RAPGEFL1: variants seen among roughly 807,000 people sequenced by gnomAD.
RAPGEFL1 encodes the protein Rap guanine nucleotide exchange factor like 1.
Under a neutral mutation model 64.4 loss-of-function variants are expected in RAPGEFL1, and 31 were observed. That is an observed-to-expected ratio of 0.48 (90% CI 0.36 to 0.65). The LOEUF is 0.65. Ranked by LOEUF, RAPGEFL1 falls within the 30% of genes least tolerant of loss-of-function variation. The pLI, the probability that RAPGEFL1 is intolerant of heterozygous loss-of-function variation, is 0.00. For missense variants in RAPGEFL1, 682 were observed against 677.4 expected, an observed-to-expected ratio of 1.01 and a Z score of -0.08; for synonymous variants, 331 against 274.1, an observed-to-expected ratio of 1.21 and a Z score of -2.05.
chr17:40,189,052 C>T (rs1444837851), intron 5 of RAPGEFL1, 74 bp downstream of exon 5: 4 of 1,487,886 alleles, frequency 2.7e-6, no homozygotes, highest in Non-Finnish European at 3.7e-6. Flanking sequence ...CTTGAGCACC[C>T]TCAGTGGCAT....
chr17:40,180,422 CT>C (rs1344405712), intron 1 of RAPGEFL1, among the ~76,000 whole-genome samples: 1 of 152,118 alleles, frequency 6.6e-6, no homozygotes, highest in African/African-American at 2.4e-5. Flanking sequence ...TCAGCTTAAC[CT>C]GCCACTCTGA....
rs922899253 is a variant in RAPGEFL1, at chr17:40,190,452, C to G, written c.1133C>G (p.Pro378Arg). The G allele has an allele frequency of 9.9e-6, 16 of 1,614,006 alleles. No homozygotes were observed. Among genetic ancestry groups the G allele is most frequent in the Non-Finnish European group, 1.3e-5 (15 of 1,180,038 alleles). Residue 378 changes from proline (P) to arginine (R), a missense_variant, in exon 7 of 15, where the codon CCC (proline) becomes CGC (arginine). This residue lies in a region of RAPGEFL1 where 411 missense variants were observed against 519.4 expected (regional missense o/e 0.79). Coordinates refer to ENST00000620260, the MANE Select transcript of RAPGEFL1 (RefSeq NM_016339.6). ...SSSGEKVLLQ[P>R]TEDCVFTALG... ...CCTGCAGAGAAGGTCCTTCTCCAGC[C>G]CACTGAGGACTGTGTTTTCACCGCA...
chr17:40,184,063 C>T (rs1253246185), intron 2 of RAPGEFL1, 151 bp from the exon 3 acceptor site: 14 of 709,510 alleles, frequency 2.0e-5, no homozygotes, highest in Admixed American at 6.8e-5. Flanking sequence ...AGACTGGTCT[C>T]GAACTCCTGA....
chr17:40,177,550 G>A lies in RAPGEFL1; in HGVS notation c.-312G>A. Reference sequence around the variant, plus strand: ...CTCTCAGCCTTGCGCTCCGCCCGCTGCCTCTGCCGCCGCAGCGCAGAGCCG... The same window carrying A: ...CTCTCAGCCTTGCGCTCCGCCCGCTACCTCTGCCGCCGCAGCGCAGAGCCG... On this transcript the variant is annotated 5_prime_UTR_variant, in exon 1 of 15. Transcript: ENST00000620260. 1.9e-6 allele frequency: 1 copy of A among 517,064 alleles called. No individual in the cohort carries two copies. The highest frequency in any genetic ancestry group is 2.1e-5 in the African/African-American group (1 of 48,692). 32.0% of individuals were successfully genotyped at this position (517,064 alleles called of 1,614,324 possible). A position where few individuals can be genotyped will look rare whatever the true frequency, so the allele number is the denominator to read the frequency against.
upstream of RAPGEFL1, chr17:40,177,436 G>T (rs1989741501): frequency 1.5e-6 from 1 of 659,420 alleles, no homozygotes; most frequent in Non-Finnish European, 2.8e-6. Context: ...ACTGGGCGGG[G>T]ACTGGAGGAG....
At chr17:40,188,314 T>C (rs1005800955) in intron 4 of RAPGEFL1, among the ~76,000 whole-genome samples, 3 of 152,168 alleles carry the variant, frequency 2.0e-5, no homozygotes, top group Admixed American at 2.0e-4. Context: ...AGCTTTCTTC[T>C]TCCCCCACAC....
rs1990268640 is a variant in RAPGEFL1, at chr17:40,191,533, G to GGAGGCCC, written c.1514+41_1515-41dup. The GGAGGCCC allele has an allele frequency of 2.6e-6, 4 of 1,562,512 alleles. No homozygotes were observed. Among genetic ancestry groups the GGAGGCCC allele is most frequent in the Non-Finnish European group, 3.5e-6 (4 of 1,156,782 alleles). On this transcript the variant is annotated intron_variant, in intron 9 of 14. Coordinates refer to ENST00000620260, the MANE Select transcript of RAPGEFL1 (RefSeq NM_016339.6). This position sits in a 1 kb window ranked among gnomAD's most constrained non-coding sequence, Gnocchi z 5.1. ...TCGGCGGGATGGGGGGCCGGAGGCC[G>GGAGGCCC]GAGGCCCGCGCCGCCGCCCGCCCCT... is the stretch of plus-strand genomic sequence containing the variant.
chr17:40,178,036 G>A lies in RAPGEFL1; in HGVS notation c.175G>A (p.Val59Met), dbSNP rs1232426774. The A allele has an allele frequency of 3.5e-6, 2 of 579,202 alleles. No homozygotes were observed. Among genetic ancestry groups the A allele is most frequent in the South Asian group, 4.0e-5 (2 of 49,592 alleles). 35.9% of individuals were successfully genotyped at this position (579,202 alleles called of 1,614,324 possible). The change falls in exon 1 of 15, where the codon GTG (valine) becomes ATG (methionine). Residue 59 changes from valine (V) to methionine (M), a missense_variant. Physicochemically the swap from Val to Met is conservative, Grantham distance 21 (BLOSUM62 1). This residue lies in a region of RAPGEFL1 where 271 missense variants were observed against 158.0 expected (regional missense o/e 1.72). Coordinates refer to ENST00000620260, the MANE Select transcript of RAPGEFL1 (RefSeq NM_016339.6). ...GQRSLQRRQS[V>M]SRLLLPAFLR... Reference sequence around the variant, plus strand: ...GCGGTCGTTGCAGCGGCGTCAGAGCGTGTCTCGCCTGCTGCTCCCCGCTTT... The same window carrying A: ...GCGGTCGTTGCAGCGGCGTCAGAGCATGTCTCGCCTGCTGCTCCCCGCTTT...
rs576836064 is a variant in RAPGEFL1, at chr17:40,194,730, G to A, written c.*942G>A. 7.2e-5 allele frequency: 11 copies of A among 152,600 alleles called. No individual in the cohort carries two copies. The highest frequency in any genetic ancestry group is 2.2e-4 in the African/African-American group (9 of 41,546). The allele number at this position is 152,600 out of a possible 1,614,324, so 9.5% of individuals were successfully genotyped here. ...CTTTTTGGGATATCTAACTGCTAAG[G>A]AGGGAGTTGACATCCCCCTTCTGGC... is the stretch of plus-strand genomic sequence containing the variant. On this transcript the variant is annotated 3_prime_UTR_variant, in exon 15 of 15. Transcript: ENST00000620260.
intron 5 of RAPGEFL1, 29 bp downstream of exon 5, chr17:40,189,007 T>C: frequency 8.8e-6 from 14 of 1,594,658 alleles, no homozygotes; most frequent in Non-Finnish European, 1.2e-5. Context: ...AGGGGCAGGG[T>C]GTCCTGAGTG....
intron 6 of RAPGEFL1, 138 bp from the exon 7 acceptor site, chr17:40,190,296 A>G: frequency 1.5e-6 from 1 of 664,482 alleles, no homozygotes; most frequent in Non-Finnish European, 2.7e-6. Context: ...TATGGCATAA[A>G]CTAGTGATAA....
Position 40,179,789 on chromosome 17 carries a change from G to A in RAPGEFL1, c.520+1408G>A, listed in dbSNP as rs760375438. ...ACACTTGCTCTCAGCCCTCGGCAGG[G>A]AACCCCAACCTAGATGTGTGGAGGG... On this transcript the variant is annotated intron_variant, in intron 1 of 14. Transcript: ENST00000620260. Among the ~76,000 whole-genome samples the A allele has an allele frequency of 5.2e-4, 79 of 152,166 alleles. 1 individual carries two copies. The highest frequency in any genetic ancestry group is 9.7e-4 in the Non-Finnish European group (66 of 68,038).
At position 40,191,468 on chromosome 17, in the gene RAPGEFL1, C is replaced by G; in HGVS notation, c.1488C>G (p.Leu496=). 1 of 1,606,992 alleles carries G rather than the reference C, an allele frequency of 6.2e-7. No homozygotes were observed. The highest frequency in any genetic ancestry group is 8.5e-7 in the Non-Finnish European group (1 of 1,178,424). ...CEAPGKRAQL[L]KKFIKIAALC... is the part of the protein sequence containing the mutation. ...CCCCGGGCAAGCGCGCGCAGCTGCTCAAGAAGTTCATCAAGATCGCGGCCC... is the reference window on the plus strand; with the variant it reads ...CCCCGGGCAAGCGCGCGCAGCTGCTGAAGAAGTTCATCAAGATCGCGGCCC... Residue 496 remains leucine, a synonymous_variant, in exon 9 of 15, where the codon CTC becomes CTG. Coordinates refer to ENST00000620260, the MANE Select transcript of RAPGEFL1 (RefSeq NM_016339.6). The surrounding 1 kb of genome is among the most constrained non-coding windows in gnomAD (Gnocchi z 5.1).
intron 1 of RAPGEFL1, among the ~76,000 whole-genome samples, chr17:40,180,949 G>A (rs1385600821): frequency 6.6e-6 from 1 of 152,234 alleles, no homozygotes; most frequent in South Asian, 2.1e-4. Context: ...CCTTGTACCC[G>A]GCTGACTGGC....
At position 40,177,678 on chromosome 17, in the gene RAPGEFL1, C is replaced by A. The variant is rs1443193149; in HGVS notation, c.-184C>A. On this transcript the variant is annotated 5_prime_UTR_variant, in exon 1 of 15. Coordinates refer to ENST00000620260, the MANE Select transcript of RAPGEFL1 (RefSeq NM_016339.6). ...AGCACTCCTTTCCTCTGGCACCTCCCCCGGCTACTGGCCACTGGACTCTGG... is the reference window on the plus strand; with the variant it reads ...AGCACTCCTTTCCTCTGGCACCTCCACCGGCTACTGGCCACTGGACTCTGG... The A allele has an allele frequency of 6.5e-5, 27 of 412,364 alleles. No homozygotes were observed. The highest frequency in any genetic ancestry group is 1.8e-4 in the Admixed American group (4 of 22,600). The allele number at this position is 412,364 out of a possible 1,614,324, so 25.5% of individuals were successfully genotyped here.
In RAPGEFL1 at chr17:40,189,686, ACT is replaced by A. The variant is rs1194418236; in HGVS notation, c.1114+314_1114+315del. On this transcript the variant is annotated intron_variant, in intron 6 of 14. Transcript: ENST00000620260. Reference sequence around the variant, plus strand: ...GCCCTATCCTGGGCAACATAACAAGACTCTGTCTCTAAAAGAGATGCAGCATC... The same window carrying A: ...GCCCTATCCTGGGCAACATAACAAGACTGTCTCTAAAAGAGATGCAGCATC... Among the ~76,000 whole-genome samples the A allele has an allele frequency of 2.6e-5, 4 of 151,948 alleles. No individual in the cohort carries two copies. In the South Asian group the frequency reaches 8.3e-4, roughly 32 times the overall value.
At chr17:40,192,010 C>T (rs1990292664) in intron 10 of RAPGEFL1, among the ~76,000 whole-genome samples, 2 of 152,180 alleles carry the variant, frequency 1.3e-5, no homozygotes, top group Admixed American at 1.3e-4. Flanking sequence ...CTGGCCTTCC[C>T]CAGAATAATG....
intron 2 of RAPGEFL1, among the ~76,000 whole-genome samples, chr17:40,183,336 TGTCTAACCTGCAGGAGCTGGATGTG>T (rs1267293870): frequency 2.6e-5 from 4 of 151,910 alleles, no homozygotes; most frequent in Non-Finnish European, 5.9e-5. Context: ...AAATCTAACC[TGTCTAACCTGCAGGAGCTGGATGTG>T]GTCAAGTGGT....
chr17:40,185,537 A>G (rs1046317912), intron 4 of RAPGEFL1, among the ~76,000 whole-genome samples: 1 of 151,100 alleles, frequency 6.6e-6, no homozygotes, highest in Non-Finnish European at 1.5e-5. Flanking sequence ...AAAAAAAAAA[A>G]AAAGGCTGTG....
Sources: allele counts gnomAD v4.1 joint callset (sites outside exome capture counted in the v4.1 genomes callset), GRCh38; gene constraint gnomAD v4.1.1; regional missense constraint gnomAD v4.1.1; non-coding constraint Gnocchi (gnomAD v3.1); transcripts MANE v1.5; gene names NCBI Gene and HGNC (gene_info 2026-07-23, HGNC 2026-07-21).